PPM1L: variants seen among roughly 807,000 people sequenced by gnomAD.
PPM1L encodes the protein protein phosphatase, Mg2+/Mn2+ dependent 1L.
Under a neutral mutation model 31.4 loss-of-function variants are expected in PPM1L, and 13 were observed. That is an observed-to-expected ratio of 0.41 (90% CI 0.27 to 0.66). The LOEUF is 0.66. PPM1L is among the 30% of genes least tolerant of loss of function. The pLI is 0.29. For missense variants in PPM1L, 326 were observed against 453.7 expected (o/e 0.72, Z 2.56); for synonymous variants, 184 against 175.4 (o/e 1.05, Z -0.39).
At chr3:161,003,871 A>G (rs1717597050) in intron 2 of PPM1L, among the ~76,000 whole-genome samples, 1 of 150,720 alleles carries the variant, frequency 6.6e-6, no homozygotes, top group African/African-American at 2.5e-5. Flanking sequence ...AACTTCCAAC[A>G]CTATGTTGAA....
chr3:160,931,165 C>T (rs6804650), intron 1 of PPM1L, among the ~76,000 whole-genome samples: 55,738 of 152,108 alleles, frequency 0.37, 12,824 homozygotes, highest in Non-Finnish European at 0.52. Flanking sequence ...CAGTATTTCT[C>T]TGCTTTTTGG....
At chr3:160,916,246 G>A (rs373086996) in intron 1 of PPM1L, among the ~76,000 whole-genome samples, 36 of 152,150 alleles carry the variant, frequency 2.4e-4, no homozygotes, top group East Asian at 1.2e-3. Context: ...AAAAGTGGGC[G>A]AAGGATATGA....
At chr3:160,973,595 G>A (rs941149253) in intron 2 of PPM1L, among the ~76,000 whole-genome samples, 5 of 152,096 alleles carry the variant, frequency 3.3e-5, no homozygotes, top group African/African-American at 1.2e-4. Flanking sequence ...ATTTGTAGTA[G>A]TGAGAGGTAG....
intron 2 of PPM1L, among the ~76,000 whole-genome samples, chr3:161,010,654 T>C (rs1378686202): frequency 6.6e-6 from 1 of 152,196 alleles, no homozygotes; most frequent in East Asian, 1.9e-4. Context: ...TGTAAAAGTG[T>C]TCCTATTTCT....
At chr3:161,060,701 G>C (rs1224407698) in intron 2 of PPM1L, among the ~76,000 whole-genome samples, 1 of 148,652 alleles carries the variant, frequency 6.7e-6, no homozygotes, top group East Asian at 2.0e-4. Flanking sequence ...GGACATTGAA[G>C]TCTGGTCCAT....
At chr3:160,834,308 C>T (rs1240981875) in intron 1 of PPM1L, among the ~76,000 whole-genome samples, 1 of 152,078 alleles carries the variant, frequency 6.6e-6, no homozygotes, top group Non-Finnish European at 1.5e-5. Flanking sequence ...CAGGTATGAG[C>T]CACCGTGCCC....
intron 1 of PPM1L, among the ~76,000 whole-genome samples, chr3:160,827,675 AG>A (rs1713398008): frequency 6.6e-6 from 1 of 151,884 alleles, no homozygotes; most frequent in African/African-American, 2.4e-5. Flanking sequence ...GTTTTTATGC[AG>A]GCCTCTGCAT....
chr3:160,810,872 C>G (rs1712784003), intron 1 of PPM1L, among the ~76,000 whole-genome samples: 1 of 152,114 alleles, frequency 6.6e-6, no homozygotes, highest in Non-Finnish European at 1.5e-5. Context: ...ATGGTGGTTG[C>G]AGATTTCAGG....
intron 1 of PPM1L, among the ~76,000 whole-genome samples, chr3:160,783,597 T>C (rs1329945407): frequency 1.1e-5 from 1 of 88,762 alleles, no homozygotes; most frequent in Non-Finnish European, 1.9e-5. Flanking sequence ...CGAAACTCCA[T>C]CTCAAAAAAA....
chr3:161,044,468 G>A (rs1718999361), intron 2 of PPM1L, among the ~76,000 whole-genome samples: 1 of 151,818 alleles, frequency 6.6e-6, no homozygotes. Context: ...CTGAGGACCA[G>A]CTGGGTGCAA....
chr3:161,032,592 TG>T (rs112290827), intron 2 of PPM1L, among the ~76,000 whole-genome samples: 2,120 of 151,840 alleles, frequency 0.014, 48 homozygotes, highest in African/African-American at 0.048. Flanking sequence ...AATGAGGGGA[TG>T]GGGGTGAAGA....
intron 2 of PPM1L, among the ~76,000 whole-genome samples, chr3:161,012,196 A>ATACC (rs1256585839): frequency 1.3e-5 from 2 of 152,334 alleles, no homozygotes; most frequent in African/African-American, 4.8e-5. Context: ...CGTCCCATCA[A>ATACC]TACCTAATTT....
At chr3:161,010,490 C>G (rs1358880127) in intron 2 of PPM1L, among the ~76,000 whole-genome samples, 3 of 152,048 alleles carry the variant, frequency 2.0e-5, no homozygotes, top group Non-Finnish European at 1.5e-5. Context: ...ACATACGTGT[C>G]CATGTGTCTT....
intron 1 of PPM1L, among the ~76,000 whole-genome samples, chr3:160,848,880 C>A (rs1336038475): frequency 3.9e-5 from 6 of 152,276 alleles, no homozygotes; most frequent in Non-Finnish European, 5.9e-5. Flanking sequence ...ATCTGGCAGT[C>A]CTCTAGGATC....
intron 2 of PPM1L, among the ~76,000 whole-genome samples, chr3:160,993,296 A>C (rs1318696941): frequency 1.3e-5 from 2 of 152,182 alleles, no homozygotes; most frequent in Non-Finnish European, 2.9e-5. Context: ...AAGGCATGTC[A>C]ACAACTATAT....
Position 160,927,624 on chromosome 3 carries a change from G to C in PPM1L, c.400-34112G>C, listed in dbSNP as rs1394843558. 3.3e-5 allele frequency among the ~76,000 whole-genome samples: 5 copies of C among 152,048 alleles called. No individual in the cohort carries two copies. In the East Asian group the frequency reaches 9.7e-4, roughly 29 times the overall value. ...TTTCCCTATGTGTGTGTGTGTGTGT[G>C]TGTGCGTGCGTGTGCGTGCGCGCGC... On this transcript the variant is annotated intron_variant, in intron 1 of 3. Transcript: ENST00000498165.
intron 2 of PPM1L, among the ~76,000 whole-genome samples, chr3:160,996,208 A>G (rs1717317508): frequency 1.3e-5 from 2 of 152,224 alleles, no homozygotes; most frequent in Non-Finnish European, 2.9e-5. Flanking sequence ...AAACTAGTAC[A>G]ACCACTATGG....
chr3:160,814,389 A>G (rs1712900369), intron 1 of PPM1L, among the ~76,000 whole-genome samples: 4 of 152,080 alleles, frequency 2.6e-5, no homozygotes, highest in Middle Eastern at 3.2e-3. Context: ...ATGCATGTTT[A>G]TGGCAGCACA....
At chr3:160,891,981 C>T (rs1713163855) in intron 1 of PPM1L, among the ~76,000 whole-genome samples, 1 of 152,026 alleles carries the variant, frequency 6.6e-6, no homozygotes, top group Admixed American at 6.6e-5. Flanking sequence ...GAACATCACA[C>T]ACCGGGGCCT....
Sources: gnomAD v4.1 joint callset for allele counts (sites outside exome capture counted in the v4.1 genomes callset) on GRCh38, gnomAD v4.1.1 for gene constraint, MANE v1.5 for transcripts, NCBI Gene and HGNC (gene_info 2026-07-23, HGNC 2026-07-21) for gene names.